PATJ: variants seen among roughly 807,000 people sequenced by gnomAD.
The protein encoded by PATJ is inaD-like protein.
PATJ carries 190 observed loss-of-function variants against 224.9 expected under a neutral mutation model. The ratio of observed to expected loss-of-function variants is 0.84; its 90% confidence interval spans 0.75 to 0.95. The LOEUF is 0.95. Ranked by LOEUF, PATJ falls within the 40% of genes least tolerant of loss-of-function variation. The pLI is 0.00. For synonymous variants in PATJ, 769 were observed against 820.3 expected (o/e 0.94, Z 1.07); for missense variants, 2,121 against 2,270.3 (o/e 0.93, Z 1.34).
chr1:61,884,539 C>T (rs1668563950), intron 22 of PATJ, 131 bp downstream of exon 22: 1 of 663,140 alleles, frequency 1.5e-6, no homozygotes, highest in Admixed American at 3.5e-5. Flanking sequence ...GAATAAAATC[C>T]ACTATATTTG....
At chr1:61,762,804 T>C (rs1247650925) in intron 1 of PATJ, 54 bp from the exon 2 acceptor site, 11 of 755,782 alleles carry the variant, frequency 1.5e-5, no homozygotes, top group Non-Finnish European at 2.2e-5. Flanking sequence ...TCTACAGGAT[T>C]GTAGCCATAT....
intron 22 of PATJ, among the ~76,000 whole-genome samples, chr1:61,886,385 GT>G (rs944229509): frequency 1.3e-5 from 2 of 152,162 alleles, no homozygotes; most frequent in African/African-American, 4.8e-5. Flanking sequence ...AGACAAAGAA[GT>G]TTTCCCGGGG....
chr1:62,071,775 C>T lies in PATJ; in HGVS notation c.4126-7675C>T, dbSNP rs143190142. 7.4e-3 allele frequency among the ~76,000 whole-genome samples: 1,134 copies of T among 152,344 alleles called. 14 individuals carry two copies. Among genetic ancestry groups the T allele is most frequent in the African/African-American group, 0.026 (1,068 of 41,570 alleles). The stretch of plus-strand genomic sequence containing the variant: ...GTGCTGGGATTACAGGCGTGAACCA[C>T]TGCGCCCGGCCAGGTTTGCAGAACT... On this transcript the variant is annotated intron_variant, in intron 31 of 43. Transcript: ENST00000642238.
chr1:62,138,461 C>A (rs1667172120), intron 41 of PATJ, among the ~76,000 whole-genome samples: 2 of 152,070 alleles, frequency 1.3e-5, no homozygotes, highest in African/African-American at 4.8e-5. Context: ...GTGTGTGCCA[C>A]CATGCCCAGC....
At chr1:62,144,422 T>C (rs1228838458) in intron 41 of PATJ, among the ~76,000 whole-genome samples, 3 of 152,158 alleles carry the variant, frequency 2.0e-5, no homozygotes, top group African/African-American at 7.2e-5. Context: ...TAGGCAGCTG[T>C]GCCCTCTGTT....
At chr1:61,992,991 A>G (rs759849033) in intron 28 of PATJ, among the ~76,000 whole-genome samples, 1 of 152,188 alleles carries the variant, frequency 6.6e-6, no homozygotes, top group Non-Finnish European at 1.5e-5. Flanking sequence ...GCTGACACCA[A>G]TTGAGTATCC....
At chr1:62,082,208 G>C (rs1659371884) in intron 32 of PATJ, among the ~76,000 whole-genome samples, 6 of 151,986 alleles carry the variant, frequency 3.9e-5, no homozygotes, top group Admixed American at 3.9e-4. Flanking sequence ...TTTTATGGTT[G>C]TATCACTGAA....
intron 27 of PATJ, among the ~76,000 whole-genome samples, chr1:61,959,520 G>A (rs1312407252): frequency 1.4e-4 from 20 of 145,948 alleles, no homozygotes; most frequent in African/African-American, 3.8e-4. Flanking sequence ...CTGCAGCCTC[G>A]ACCCACCAGG....
Position 62,121,222 on chromosome 1 carries a change from C to T in PATJ, c.4932C>T (p.Phe1644=), listed in dbSNP as rs751685831. The change falls in exon 38 of 44, where the codon TTC becomes TTT. Residue 1644 remains phenylalanine, a synonymous_variant. Transcript: ENST00000642238. ...CACACAGCAGCTGTCATCCCTCCTT[C>T]GCTCCTGTCATCACTGGCCTGCAAA... The part of the protein sequence containing the change: ...QSAHSSCHPS[F]APVITGLQNL... The T allele has an allele frequency of 1.1e-4, 171 of 1,613,740 alleles. 1 individual carries two copies. In the Admixed American group the frequency reaches 2.7e-3, roughly 25 times the overall value.
At chr1:61,943,385 C>T (rs1367864237) in intron 27 of PATJ, among the ~76,000 whole-genome samples, 1 of 152,208 alleles carries the variant, frequency 6.6e-6, no homozygotes, top group East Asian at 1.9e-4. Context: ...AATCGGGACA[C>T]TCCCACCCTA....
chr1:61,774,458 T>C (rs1646806708), intron 6 of PATJ, among the ~76,000 whole-genome samples: 1 of 152,214 alleles, frequency 6.6e-6, no homozygotes, highest in Admixed American at 6.5e-5. Flanking sequence ...ATAGTCCTAT[T>C]GCTAATATCT....
chr1:61,848,927 G>C (rs1207012219), intron 17 of PATJ, among the ~76,000 whole-genome samples: 1 of 152,202 alleles, frequency 6.6e-6, no homozygotes, highest in East Asian at 1.9e-4. Context: ...CCATTATTAA[G>C]TTGGAATAAT....
At chr1:61,805,412 A>G (rs1305669451) in intron 12 of PATJ, 36 bp from the exon 13 acceptor site, 3 of 1,367,448 alleles carry the variant, frequency 2.2e-6, no homozygotes, top group South Asian at 1.2e-5. Flanking sequence ...TAGTTTCAAC[A>G]TTCTCTCGCT....
At chr1:62,070,724 T>C (rs1357342939) in intron 31 of PATJ, among the ~76,000 whole-genome samples, 1 of 152,080 alleles carries the variant, frequency 6.6e-6, no homozygotes, top group African/African-American at 2.4e-5. Context: ...AGGATCTTTC[T>C]CATAGAAGGG....
At chr1:61,975,320 T>C (rs1644070648) in intron 27 of PATJ, among the ~76,000 whole-genome samples, 1 of 152,092 alleles carries the variant, frequency 6.6e-6, no homozygotes, top group Non-Finnish European at 1.5e-5. Flanking sequence ...TCCTGTTATG[T>C]GATTGAAAGA....
In PATJ at chr1:61,805,425, C is replaced by T. The variant is rs199953993; in HGVS notation, c.1550-23C>T. 255 of 1,495,594 alleles carry T rather than the reference C, an allele frequency of 1.7e-4. No individual in the cohort carries two copies. In the African/African-American group the frequency reaches 3.2e-3, roughly 19 times the overall value. The allele number at this position is 1,495,594 out of a possible 1,614,324, so 92.6% of individuals were successfully genotyped here. A position where few individuals can be genotyped will look rare whatever the true frequency, so the allele number is the denominator to read the frequency against. ...AGTAGTTTCAACATTCTCTCGCTCT[C>T]TCTCTTTTTTTTTAATATCCAGAAA... On this transcript the variant is annotated intron_variant, in intron 12 of 43. Coordinates refer to ENST00000642238, the MANE Select transcript of PATJ (RefSeq NM_001350145.3).
chr1:62,035,137 T>C (rs1650132999), intron 29 of PATJ, among the ~76,000 whole-genome samples: 1 of 152,192 alleles, frequency 6.6e-6, no homozygotes, highest in African/African-American at 2.4e-5. Context: ...TGGATTACTT[T>C]TTCTATATGT....
At chr1:62,022,198 A>C (rs1287447713) in intron 29 of PATJ, among the ~76,000 whole-genome samples, 1 of 152,228 alleles carries the variant, frequency 6.6e-6, no homozygotes, top group Admixed American at 6.5e-5. Context: ...TTTTGTAATC[A>C]GGTCCTTGTC....
At position 62,005,157 on chromosome 1, in the gene PATJ, G is replaced by A. The variant is rs7521443; in HGVS notation, c.3868-12699G>A. On this transcript the variant is annotated intron_variant, in intron 28 of 43. Transcript: ENST00000642238. ...ATTTTTTAGGATTTTTTTTTTTTGA[G>A]ACATAGTTTCACCTGTCACCCAGGT... Among the ~76,000 whole-genome samples, 795 of 149,994 alleles carry A rather than the reference G, an allele frequency of 5.3e-3. 12 individuals are homozygous for A. The highest frequency in any genetic ancestry group is 0.019 in the African/African-American group (754 of 40,728).
Sources: allele counts gnomAD v4.1 joint callset (sites outside exome capture counted in the v4.1 genomes callset), GRCh38; gene constraint gnomAD v4.1.1; transcripts MANE v1.5; gene names NCBI Gene and HGNC (gene_info 2026-07-23, HGNC 2026-07-21).